TMOD3: variants seen among roughly 807,000 people sequenced by gnomAD.
The protein encoded by TMOD3 is tropomodulin 3.
TMOD3 carries 20 observed loss-of-function variants against 39.2 expected under a neutral mutation model. The observed-to-expected ratio is 0.51, with a 90% CI of 0.36 to 0.74. The LOEUF is 0.74. Among genes scored for constraint, TMOD3 ranks in the 30% least tolerant of loss-of-function variants. The pLI, the probability that TMOD3 is intolerant of heterozygous loss-of-function variation, is 0.00. For synonymous variants in TMOD3, 143 were observed against 145.8 expected (o/e 0.98, Z 0.14); for missense variants, 381 against 412.8 (o/e 0.92, Z 0.67).
intron 1 of TMOD3, among the ~76,000 whole-genome samples, chr15:51,846,317 TCAAAACAAAACAAAA>T (rs375578220): frequency 1.4e-4 from 21 of 151,888 alleles, no homozygotes; most frequent in Non-Finnish European, 4.4e-5. Flanking sequence ...GGTAACAGGC[TCAAAACAAAACAAAA>T]CAAAACAAAA....
intron 2 of TMOD3, among the ~76,000 whole-genome samples, chr15:51,868,667 A>G (rs909534664): frequency 4.6e-5 from 7 of 152,242 alleles, no homozygotes; most frequent in Non-Finnish European, 7.3e-5. Context: ...CTCTCTGAAG[A>G]AAATGTTCTA....
intron 1 of TMOD3, chr15:51,859,283 G>C: frequency 1.4e-6 from 1 of 736,414 alleles, no homozygotes; most frequent in East Asian, 2.7e-5. Context: ...TCTGTCTGCA[G>C]TTTTCAGGTC....
Position 51,908,822 on chromosome 15 carries a change from T to G in TMOD3, c.*12T>G, listed in dbSNP as rs770343233. The G allele has an allele frequency of 1.2e-5, 19 of 1,602,276 alleles. No homozygotes were observed. The Admixed American group carries it at 3.3e-4, about 28-fold the overall frequency. ...GAGATCACCAGTAAGTCTGCAAAGG[T>G]GTAATCTTTGGAAGACTTCAGAAGA... On this transcript the variant is annotated 3_prime_UTR_variant, in exon 10 of 10. Transcript: ENST00000308580.
chr15:51,831,429 A>G (rs914094254), intron 1 of TMOD3, among the ~76,000 whole-genome samples: 4 of 152,192 alleles, frequency 2.6e-5, no homozygotes, highest in African/African-American at 9.7e-5. Context: ...ACACTTTAGC[A>G]TGCATAATTC....
chr15:51,845,585 A>G (rs1183913779), intron 1 of TMOD3, among the ~76,000 whole-genome samples: 1 of 151,996 alleles, frequency 6.6e-6, no homozygotes, highest in Non-Finnish European at 1.5e-5. Flanking sequence ...GTGAGACCTC[A>G]TCTCTACAAA....
intron 3 of TMOD3, among the ~76,000 whole-genome samples, chr15:51,879,875 C>CACACACACACACAT (rs1248961678): frequency 6.6e-6 from 1 of 151,342 alleles, no homozygotes. Context: ...CACACACACA[C>CACACACACACACAT]ACACACACAC....
chr15:51,842,960 G>C lies in TMOD3; in HGVS notation c.-75+13124G>C, dbSNP rs114582318. On this transcript the variant is annotated intron_variant, in intron 1 of 9. Coordinates refer to ENST00000308580, the MANE Select transcript of TMOD3 (RefSeq NM_014547.5). ...TATCTCTAAGTCAGAAGTGTGCTGT[G>C]TCTCTGAAGGTGCATATAAATGCCT... 7.2e-3 allele frequency among the ~76,000 whole-genome samples: 1,097 copies of C among 152,276 alleles called. 15 individuals carry two copies. Among genetic ancestry groups the C allele is most frequent in the African/African-American group, 0.026 (1,063 of 41,542 alleles).
At chr15:51,838,401 G>A (rs924969043) in intron 1 of TMOD3, among the ~76,000 whole-genome samples, 17 of 151,984 alleles carry the variant, frequency 1.1e-4, no homozygotes, top group African/African-American at 2.4e-4. Flanking sequence ...TTAGGTCTCC[G>A]GGAACACAAA....
chr15:51,859,646 C>G (rs1209830880), intron 1 of TMOD3: 1 of 510,294 alleles, frequency 2.0e-6, no homozygotes, highest in East Asian at 4.8e-5. Context: ...TCCACTCTGC[C>G]AAGAAGTCCA....
At position 51,853,142 on chromosome 15, in the gene TMOD3, T is replaced by C. The variant is rs117269314; in HGVS notation, c.-74-9669T>C. The stretch of plus-strand genomic sequence containing the variant: ...ATAGCTGAATTTTAATTAGAAGATA[T>C]CTTGGTGAACATTGAGAAGAATAAG... On this transcript the variant is annotated intron_variant, in intron 1 of 9. Transcript: ENST00000308580. Among the ~76,000 whole-genome samples, 102 of 152,346 alleles carry C rather than the reference T, an allele frequency of 6.7e-4. No homozygotes were observed. The East Asian group carries it at 0.019, about 28-fold the overall frequency.
chr15:51,886,706 G>A (rs923802311), intron 3 of TMOD3, among the ~76,000 whole-genome samples: 1 of 151,824 alleles, frequency 6.6e-6, no homozygotes, highest in Admixed American at 6.6e-5. Context: ...GGGAGAGGGA[G>A]ACCGTGGAGA....
intron 5 of TMOD3, among the ~76,000 whole-genome samples, chr15:51,889,721 C>G (rs2056582841): frequency 6.6e-6 from 1 of 152,042 alleles, no homozygotes; most frequent in East Asian, 1.9e-4. Flanking sequence ...TAAAAATTAG[C>G]TGGGCATGGT....
intron 2 of TMOD3, among the ~76,000 whole-genome samples, chr15:51,867,937 C>T (rs888269698): frequency 2.6e-5 from 4 of 152,200 alleles, no homozygotes; most frequent in Non-Finnish European, 5.9e-5. Flanking sequence ...CTAAGTCAGT[C>T]CATGCGCTCA....
chr15:51,911,683 C>T lies in TMOD3; in HGVS notation c.*2873C>T, dbSNP rs1293966702. 23 of 151,700 alleles carry T rather than the reference C, an allele frequency of 1.5e-4. No individual in the cohort carries two copies. Among genetic ancestry groups the T allele is most frequent in the Admixed American group, 1.5e-3 (23 of 15,212 alleles). The allele number at this position is 151,700 out of a possible 1,614,324, so 9.4% of individuals were successfully genotyped here. ...TATTTTTAAAAAAGCTTTTTATTAC[C>T]CATTTTATAAAATGTTATACTCATA... On this transcript the variant is annotated 3_prime_UTR_variant, in exon 10 of 10. Coordinates refer to ENST00000308580, the MANE Select transcript of TMOD3 (RefSeq NM_014547.5).
At chr15:51,832,468 A>G (rs1452102490) in intron 1 of TMOD3, among the ~76,000 whole-genome samples, 3 of 151,960 alleles carry the variant, frequency 2.0e-5, no homozygotes, top group African/African-American at 7.3e-5. Context: ...TGTATGTGAC[A>G]TATCTACATA....
At chr15:51,886,290 G>C (rs2570226) in intron 3 of TMOD3, among the ~76,000 whole-genome samples, 104,173 of 152,062 alleles carry the variant, frequency 0.69, 37,487 homozygotes, top group East Asian at 1. Context: ...GCTGCAATCT[G>C]GGCACTTTGG....
intron 3 of TMOD3, 150 bp from the exon 4 acceptor site, chr15:51,887,439 C>G: frequency 2.4e-6 from 2 of 837,188 alleles, no homozygotes; most frequent in Non-Finnish European, 3.6e-6. Flanking sequence ...ACGCTGGAAA[C>G]TTAAAAATCT....
At chr15:51,857,114 A>G (rs1383735285) in intron 1 of TMOD3, among the ~76,000 whole-genome samples, 1 of 152,246 alleles carries the variant, frequency 6.6e-6, no homozygotes, top group Non-Finnish European at 1.5e-5. Flanking sequence ...CATTAAATGA[A>G]AAAAGCAAGT....
chr15:51,902,004 C>G lies in TMOD3; in HGVS notation c.992C>G (p.Ala331Gly). The G allele has an allele frequency of 6.2e-7, 1 of 1,614,060 alleles. No homozygotes were observed. The change falls in exon 9 of 10, where the codon GCA becomes GGA. Residue 331 changes from alanine to glycine, a missense_variant. By Grantham distance (60) the Ala-to-Gly change is moderately conservative. Transcript: ENST00000308580. The stretch of plus-strand genomic sequence containing the variant: ...ACACAGCAGGGACCACGAACCAGAG[C>G]AGCTAATGCTATAACAAAAAACAAT... ...QFTQQGPRTR[A>G]ANAITKNNDL...
Sources: allele counts gnomAD v4.1 joint callset (sites outside exome capture counted in the v4.1 genomes callset), GRCh38; gene constraint gnomAD v4.1.1; transcripts MANE v1.5; gene names NCBI Gene and HGNC (gene_info 2026-07-23, HGNC 2026-07-21).